Variants in KATNAL1 observed in about 807,000 individuals in gnomAD.
KATNAL1 encodes the protein katanin p60 ATPase-containing subunit A-like 1.
Under a neutral mutation model 55.2 loss-of-function variants are expected in KATNAL1, and 32 were observed. That is an observed-to-expected ratio of 0.58 (90% CI 0.44 to 0.78). The LOEUF (loss-of-function observed/expected upper bound fraction) is 0.78. KATNAL1 is among the 30% of genes least tolerant of loss of function. The pLI is 0.00. For missense variants in KATNAL1, 466 were observed against 600.9 expected (o/e 0.78, Z 2.35); for synonymous variants, 193 against 193.6 (o/e 1.00, Z 0.02).
Position 30,230,565 on chromosome 13 carries a change from G to A in KATNAL1, c.915C>T (p.Phe305=). 1 of 1,610,366 alleles carries A rather than the reference G, an allele frequency of 6.2e-7. No individual in the cohort carries two copies. Among genetic ancestry groups the A allele is most frequent in the South Asian group, 1.1e-5 (1 of 90,714 alleles). ...TGCAGATAGAATCTATCTCATCAAT[G>A]AAGATCGTGGTAGGGGCATAAAATC... The part of the protein sequence containing the change: ...MARFYAPTTI[F]IDEIDSICSR... The change falls in exon 8 of 11, where the codon TTC becomes TTT. Residue 305 remains phenylalanine (F), a synonymous_variant. Coordinates refer to ENST00000380615, the MANE Select transcript of KATNAL1 (RefSeq NM_032116.5).
chr13:30,210,522 G>T, intron 9 of KATNAL1, 80 bp from the exon 10 acceptor site: 1 of 1,354,116 alleles, frequency 7.4e-7, no homozygotes, highest in South Asian at 1.4e-5. Context: ...TTAACATTTG[G>T]GGGAAAAATG....
chr13:30,235,341 T>A (rs927509877), intron 6 of KATNAL1, among the ~76,000 whole-genome samples: 5 of 152,118 alleles, frequency 3.3e-5, no homozygotes, highest in Non-Finnish European at 5.9e-5. Context: ...AGAACTCACA[T>A]GGCAAGAACA....
At chr13:30,289,537 A>G (rs1473644822) in intron 1 of KATNAL1, among the ~76,000 whole-genome samples, 2 of 152,170 alleles carry the variant, frequency 1.3e-5, no homozygotes, top group Non-Finnish European at 2.9e-5. Flanking sequence ...CATTTTTCTG[A>G]CCATTACTTT....
chr13:30,214,810 C>A (rs112119159), intron 9 of KATNAL1, among the ~76,000 whole-genome samples: 4 of 151,382 alleles, frequency 2.6e-5, no homozygotes, highest in Non-Finnish European at 5.9e-5. Context: ...GACCTAAAAC[C>A]ATAAAAACCC....
chr13:30,205,751 T>TG lies in KATNAL1; in HGVS notation c.*2788dup, dbSNP rs1873061231. On this transcript the variant is annotated 3_prime_UTR_variant, in exon 11 of 11. Transcript: ENST00000380615. The stretch of plus-strand genomic sequence containing the variant: ...ACACACTGTCTTCTGCAATAAAGAC[T>TG]GTGTGTGTGTGTGTGTGTGTGTGTG... The TG allele has an allele frequency of 4.7e-5, 1 of 21,286 alleles. No homozygotes were observed. The highest frequency in any genetic ancestry group is 7.4e-5 in the Non-Finnish European group (1 of 13,438). 1.3% of individuals were successfully genotyped at this position (21,286 alleles called of 1,614,324 possible).
chr13:30,227,341 AATAAAGATTTAGATAC>A (rs1875598770), intron 9 of KATNAL1, 55 bp downstream of exon 9: 2 of 1,444,728 alleles, frequency 1.4e-6, no homozygotes, highest in African/African-American at 1.4e-5. Context: ...ATGGCAATGG[AATAAAGATTTAGATAC>A]ATGGGAAAGG....
chr13:30,239,267 G>A (rs1231680040), intron 6 of KATNAL1, among the ~76,000 whole-genome samples: 1 of 152,054 alleles, frequency 6.6e-6, no homozygotes, highest in Non-Finnish European at 1.5e-5. Context: ...AAAATTAGCT[G>A]GGCATGGTGG....
intron 4 of KATNAL1, among the ~76,000 whole-genome samples, chr13:30,246,443 G>C (rs905640208): frequency 6.6e-6 from 1 of 152,120 alleles, no homozygotes; most frequent in African/African-American, 2.4e-5. Flanking sequence ...AAAAACCCTA[G>C]AAGAAAACCT....
intron 10 of KATNAL1, among the ~76,000 whole-genome samples, chr13:30,210,004 G>A (rs1324203080): frequency 1.3e-5 from 2 of 151,904 alleles, no homozygotes; most frequent in Admixed American, 6.6e-5. Context: ...GGATGGTCTC[G>A]ATCTCCTGAC....
At chr13:30,258,191 A>G (rs998133896) in intron 3 of KATNAL1, among the ~76,000 whole-genome samples, 2 of 152,238 alleles carry the variant, frequency 1.3e-5, no homozygotes, top group African/African-American at 4.8e-5. Flanking sequence ...AAAGACAAAA[A>G]TATCTGTGCT....
chr13:30,226,003 A>G (rs1875428477), intron 9 of KATNAL1, among the ~76,000 whole-genome samples: 1 of 152,234 alleles, frequency 6.6e-6, no homozygotes, highest in African/African-American at 2.4e-5. Context: ...CAAAAAGTAT[A>G]CCATGACCAT....
At chr13:30,303,998 G>C (rs1387131905) in intron 1 of KATNAL1, among the ~76,000 whole-genome samples, 1 of 152,170 alleles carries the variant, frequency 6.6e-6, no homozygotes, top group Non-Finnish European at 1.5e-5. Flanking sequence ...GCTTTCAGTT[G>C]TTGAGCACTT....
At chr13:30,237,180 T>C (rs149944623) in intron 6 of KATNAL1, among the ~76,000 whole-genome samples, 166 of 152,302 alleles carry the variant, frequency 1.1e-3, no homozygotes, top group Non-Finnish European at 2.0e-3. Context: ...TTTGGTATCC[T>C]CTGCACTTAG....
intron 4 of KATNAL1, among the ~76,000 whole-genome samples, chr13:30,247,963 C>T (rs953177291): frequency 5.3e-5 from 8 of 152,188 alleles, no homozygotes; most frequent in African/African-American, 1.7e-4. Context: ...TAAGGCCCCA[C>T]ATTTAATCTT....
chr13:30,225,349 C>T (rs1405216119), intron 9 of KATNAL1, among the ~76,000 whole-genome samples: 1 of 152,032 alleles, frequency 6.6e-6, no homozygotes, highest in Non-Finnish European at 1.5e-5. Flanking sequence ...ATTTAATCAG[C>T]TTCCACATTC....
intron 3 of KATNAL1, among the ~76,000 whole-genome samples, chr13:30,267,305 T>C (rs979275284): frequency 6.6e-6 from 1 of 152,238 alleles, no homozygotes; most frequent in Non-Finnish European, 1.5e-5. Context: ...ACTCTACAGA[T>C]AATAAAATAG....
intron 4 of KATNAL1, among the ~76,000 whole-genome samples, chr13:30,252,853 T>G (rs1389832457): frequency 6.6e-6 from 1 of 152,176 alleles, no homozygotes; most frequent in Non-Finnish European, 1.5e-5. Flanking sequence ...TTCAAGCGAT[T>G]CTCATGCCTC....
chr13:30,224,169 T>C (rs1410967466), intron 9 of KATNAL1, among the ~76,000 whole-genome samples: 3 of 151,840 alleles, frequency 2.0e-5, no homozygotes, highest in African/African-American at 7.3e-5. Context: ...GTAGAAAAAA[T>C]ATGATATAGC....
At chr13:30,262,774 G>C (rs1477204698) in intron 3 of KATNAL1, among the ~76,000 whole-genome samples, 1 of 151,388 alleles carries the variant, frequency 6.6e-6, no homozygotes, top group African/African-American at 2.4e-5. Context: ...ATTCACAGCC[G>C]AATTCTACCA....
Sources: allele counts gnomAD v4.1 joint callset (sites outside exome capture counted in the v4.1 genomes callset), GRCh38; gene constraint gnomAD v4.1.1; transcripts MANE v1.5; gene names NCBI Gene and HGNC (gene_info 2026-07-23, HGNC 2026-07-21).